Variants in BCCIP observed in about 807,000 individuals in gnomAD.
The protein encoded by BCCIP is BRCA2 and CDKN1A-interacting protein.
BCCIP carries 23 observed loss-of-function variants against 32.8 expected under a neutral mutation model. The observed-to-expected ratio is 0.70, with a 90% confidence interval of 0.51 to 0.99. BCCIP has a LOEUF of 0.99. Ranked by LOEUF, BCCIP falls within the 50% of genes least tolerant of loss-of-function variation. The probability of loss-of-function intolerance (pLI) is 0.00; values close to 1 mark genes in which losing one functional copy is unlikely to be tolerated. For synonymous variants in BCCIP, 144 were observed against 137.6 expected (o/e 1.05, Z -0.33); for missense variants, 378 against 379.8 (o/e 1.00, Z 0.04).
Position 125,831,596 on chromosome 10 carries a change from C to T in BCCIP, c.588C>T (p.Tyr196=). 1 of 1,606,536 alleles carries T rather than the reference C, an allele frequency of 6.2e-7. No homozygotes were observed. The highest frequency in any genetic ancestry group is 8.5e-7 in the Non-Finnish European group (1 of 1,176,876). The change falls in exon 5 of 7, where the codon TAC becomes TAT. Residue 196 remains tyrosine, a synonymous_variant. Coordinates refer to ENST00000278100, the MANE Select transcript of BCCIP (RefSeq NM_078468.3). ...NVPPQIALPM[Y]QQLQKELAGA... ...CTCCACAGATCGCTCTGCCCATGTA[C>T]CAGCAGCTTCAGTAAGAGATTCTGG... is the stretch of plus-strand genomic sequence containing the variant.
Position 125,826,515 on chromosome 10 carries a change from T to A in BCCIP, c.166-76T>A. ...TTGTATTCTTCACAGATGGCAATCTTGGCAATGTTTGCCTGTTTTAAAGTC... is the reference window on the plus strand; with the variant it reads ...TTGTATTCTTCACAGATGGCAATCTAGGCAATGTTTGCCTGTTTTAAAGTC... On this transcript the variant is annotated intron_variant, in intron 1 of 6. Coordinates refer to ENST00000278100, the MANE Select transcript of BCCIP (RefSeq NM_078468.3). The A allele has an allele frequency of 2.5e-6, 4 of 1,585,846 alleles. No individual in the cohort carries two copies. The South Asian group carries it at 4.6e-5, about 18-fold the overall frequency.
intron 7 of BCCIP, chr10:125,852,515 C>T: frequency 1.2e-6 from 2 of 1,612,946 alleles, no homozygotes; most frequent in Non-Finnish European, 1.7e-6. Context: ...GAATTGACAA[C>T]ATTTAGTATT....
At chr10:125,829,792 T>C (rs1453086664) in intron 3 of BCCIP, among the ~76,000 whole-genome samples, 3 of 152,218 alleles carry the variant, frequency 2.0e-5, no homozygotes, top group African/African-American at 7.2e-5. Context: ...GGAGAAGCAG[T>C]TATTTTTATC....
downstream of BCCIP, chr10:125,840,831 C>A: frequency 6.4e-7 from 1 of 1,558,564 alleles, no homozygotes; most frequent in Non-Finnish European, 8.7e-7. Flanking sequence ...TAGGTAGTTT[C>A]TGAGCATTCA....
chr10:125,841,437 A>C, downstream of BCCIP: 1 of 1,556,742 alleles, frequency 6.4e-7, no homozygotes, highest in Non-Finnish European at 8.7e-7. Context: ...GGGGAAAAAC[A>C]CCTCTAGTGA....
chr10:125,828,566 A>T (rs941692442), intron 3 of BCCIP, among the ~76,000 whole-genome samples: 5 of 152,174 alleles, frequency 3.3e-5, no homozygotes, highest in Non-Finnish European at 7.3e-5. Context: ...ATAACATTTG[A>T]AGGAGGAGGG....
downstream of BCCIP, chr10:125,838,489 A>G (rs549696239): frequency 2.7e-5 from 30 of 1,102,258 alleles, no homozygotes; most frequent in South Asian, 5.7e-4. Context: ...TATACGGGAT[A>G]GTTAAAACTA....
Position 125,853,247 on chromosome 10 carries a change from G to T in BCCIP, c.*4G>T, listed in dbSNP as rs770602761. On this transcript the variant is annotated 3_prime_UTR_variant, in exon 8 of 8. Coordinates refer to the BCCIP transcript ENST00000368759. ...TGTTGGAATTGCTCTGTCATAATAA[G>T]TCAGGGATATTTAGGAGGCTCATAG... is the stretch of plus-strand genomic sequence containing the variant. 13 of 1,587,530 alleles carry T rather than the reference G, an allele frequency of 8.2e-6. No individual in the cohort carries two copies. In the East Asian group the frequency reaches 3.0e-4, roughly 36 times the overall value.
rs751497919 is a variant in BCCIP, at chr10:125,836,201, G to A, written c.872G>A (p.Arg291Gln). Residue 291 changes from arginine to glutamine, a missense_variant, in exon 7 of 7, where the codon CGA (arginine) becomes CAA (glutamine). Arg to Gln is a conservative substitution (Grantham distance 43, BLOSUM62 1). Coordinates refer to ENST00000278100, the MANE Select transcript of BCCIP (RefSeq NM_078468.3). ...SFDDVPMTPL[R>Q]TVMLIPGDKM... ...GATGACGTACCAATGACGCCCTTGCGAACTGTGATGTTAATTCCAGGCGAC... is the reference window on the plus strand; with the variant it reads ...GATGACGTACCAATGACGCCCTTGCAAACTGTGATGTTAATTCCAGGCGAC... 15 of 1,614,070 alleles carry A rather than the reference G, an allele frequency of 9.3e-6. No individual in the cohort carries two copies. The highest frequency in any genetic ancestry group is 2.2e-5 in the South Asian group (2 of 91,092).
chr10:125,837,207 G>A (rs1254353142), downstream of BCCIP, among the ~76,000 whole-genome samples: 1 of 152,054 alleles, frequency 6.6e-6, no homozygotes, highest in Non-Finnish European at 1.5e-5. Flanking sequence ...GGAGAGAGGG[G>A]GTATCTTTGC....
downstream of BCCIP, among the ~76,000 whole-genome samples, chr10:125,844,592 A>G (rs989070705): frequency 6.6e-6 from 1 of 152,254 alleles, no homozygotes; most frequent in African/African-American, 2.4e-5. Context: ...ATAACTAAAT[A>G]GGATTTGCTA....
downstream of BCCIP, chr10:125,840,851 A>G (rs1406964015): frequency 1.9e-6 from 3 of 1,586,108 alleles, no homozygotes; most frequent in Non-Finnish European, 2.6e-6. Context: ...ACTTACACTC[A>G]CTGCTAGAAT....
chr10:125,851,369 G>A lies in BCCIP; in HGVS notation c.851-1756G>A, dbSNP rs564430040. 4.6e-5 allele frequency among the ~76,000 whole-genome samples: 7 copies of A among 152,314 alleles called. No homozygotes were observed. In the East Asian group the frequency reaches 1.2e-3, roughly 25 times the overall value. ...TTATCAGCTTTAAGCCTCATGGAATGAGCAGCACAGAGGGTGACTATTGAG... is the reference window on the plus strand; with the variant it reads ...TTATCAGCTTTAAGCCTCATGGAATAAGCAGCACAGAGGGTGACTATTGAG... On this transcript the variant is annotated intron_variant, in intron 7 of 7. Coordinates refer to the BCCIP transcript ENST00000368759.
chr10:125,851,920 C>CAAA (rs56380138), intron 7 of BCCIP, among the ~76,000 whole-genome samples: 33 of 86,770 alleles, frequency 3.8e-4, no homozygotes, highest in African/African-American at 1.3e-3. Flanking sequence ...GACCCTGTCT[C>CAAA]AAAAAAAAAA....
intron 7 of BCCIP, among the ~76,000 whole-genome samples, chr10:125,850,564 A>T (rs1944078140): frequency 6.6e-6 from 1 of 152,024 alleles, no homozygotes. Flanking sequence ...CACGTTGGTC[A>T]GGCTGGTCTT....
intron 7 of BCCIP, among the ~76,000 whole-genome samples, chr10:125,850,265 A>C: frequency 6.6e-6 from 1 of 151,308 alleles, no homozygotes; most frequent in Non-Finnish European, 1.5e-5. Flanking sequence ...GGTGTGAGCC[A>C]CCATGCCCAG....
chr10:125,825,284 C>G (rs563731983), intron 1 of BCCIP, among the ~76,000 whole-genome samples: 24 of 152,278 alleles, frequency 1.6e-4, no homozygotes, highest in African/African-American at 5.5e-4. Flanking sequence ...CATTTGCCGC[C>G]CATTTCCCTG....
intron 1 of BCCIP, chr10:125,825,572 A>C (rs1854371186): frequency 6.6e-6 from 1 of 152,236 alleles, no homozygotes. Context: ...TGCTCTAAGC[A>C]ATTCCAGGGC....
chr10:125,833,144 A>G lies in BCCIP; in HGVS notation c.600-628A>G, dbSNP rs533337947. Reference sequence around the variant, plus strand: ...GTCTCCAAACGAAAAAAAGAAAAAAAAAAAAAAGGAAAGCTGAAGAGGACG... The same window carrying G: ...GTCTCCAAACGAAAAAAAGAAAAAAGAAAAAAAGGAAAGCTGAAGAGGACG... On this transcript the variant is annotated intron_variant, in intron 5 of 6. Transcript: ENST00000278100. 5.6e-4 allele frequency among the ~76,000 whole-genome samples: 86 copies of G among 152,224 alleles called. 2 individuals are homozygous for G. The highest frequency in any genetic ancestry group is 2.6e-4 in the Admixed American group (4 of 15,274).
Sources: allele counts gnomAD v4.1 joint callset (sites outside exome capture counted in the v4.1 genomes callset), GRCh38; gene constraint gnomAD v4.1.1; transcripts MANE v1.5; gene names NCBI Gene and HGNC (gene_info 2026-07-23, HGNC 2026-07-21).